The following PGLYRP2 variants were observed in gnomAD, a reference collection of about 807,000 sequenced individuals.
PGLYRP2 encodes the protein peptidoglycan recognition protein 2.
In PGLYRP2, 38 loss-of-function variants were observed where a neutral mutation model predicts 46.2. The observed-to-expected ratio is 0.82, with a 90% CI of 0.64 to 1.08. PGLYRP2 has a LOEUF of 1.08. Ranked by LOEUF, PGLYRP2 falls within the 50% of genes least tolerant of loss-of-function variation. PGLYRP2 has a pLI of 0.00. For missense variants in PGLYRP2, 713 were observed against 755.9 expected, an observed-to-expected ratio of 0.94 and a Z score of 0.67; for synonymous variants, 289 against 329.4, an observed-to-expected ratio of 0.88 and a Z score of 1.33.
Position 15,475,610 on chromosome 19 carries a change from G to A in PGLYRP2, c.1060C>T (p.Gln354Ter). The change falls in exon 2 of 5, where the codon CAG (glutamine) becomes TAG (stop). Residue 354 changes from glutamine (Q) to a stop codon, truncating the protein, a stop_gained. Coordinates refer to ENST00000340880, the MANE Select transcript of PGLYRP2 (RefSeq NM_052890.4). LOFTEE classifies it high-confidence loss of function. ...QRLEPVHLQL[Q>*]CMSQEQLAQV... Reference sequence around the variant, plus strand: ...GCCAGCTGTTCTTGGCTCATGCACTGAAGCTGGAGGTGTACTGGCTCCAGC... The same window carrying A: ...GCCAGCTGTTCTTGGCTCATGCACTAAAGCTGGAGGTGTACTGGCTCCAGC... 1 of 1,614,082 alleles carries A rather than the reference G, an allele frequency of 6.2e-7. No individual in the cohort carries two copies. Among genetic ancestry groups the A allele is most frequent in the Non-Finnish European group, 8.5e-7 (1 of 1,179,978 alleles).
intron 1 of PGLYRP2, among the ~76,000 whole-genome samples, chr19:15,477,721 T>TAAAAATAAAATAAAATAAAA (rs56127600): frequency 7.4e-5 from 10 of 135,364 alleles, no homozygotes; most frequent in Admixed American, 2.2e-4. Flanking sequence ...TAAAATAAAA[T>TAAAAATAAAATAAAATAAAA]TAAATTAAAA....
At chr19:15,468,935 AGTATGTAG>A (rs1970717830) in intron 4 of PGLYRP2, 183 bp from the exon 5 acceptor site, 1 of 549,956 alleles carries the variant, frequency 1.8e-6, no homozygotes, top group Admixed American at 3.4e-5. Flanking sequence ...ATGGAGTGGC[AGTATGTAG>A]GTAGCACGAG....
At position 15,469,992 on chromosome 19, in the gene PGLYRP2, T is replaced by C; in HGVS notation, c.1344-63A>G. 7.5e-7 allele frequency: 1 copy of C among 1,327,486 alleles called. No homozygotes were observed. The highest frequency in any genetic ancestry group is 9.6e-7 in the Non-Finnish European group (1 of 1,038,982). 82.2% of individuals were successfully genotyped at this position (1,327,486 alleles called of 1,614,324 possible). A position where few individuals can be genotyped will look rare whatever the true frequency, so the allele number is the denominator to read the frequency against. On this transcript the variant is annotated intron_variant, in intron 3 of 4. Transcript: ENST00000340880. This position sits in a 1 kb window ranked among gnomAD's most constrained non-coding sequence, Gnocchi z 4.9. ...GAGGGGGACCCGGGCCCTTATCCGC[T>C]CCCCTCCCCGATTCTGTTGGTGTGC...
intron 2 of PGLYRP2, among the ~76,000 whole-genome samples, chr19:15,472,590 C>G (rs1300751970): frequency 6.7e-6 from 1 of 148,336 alleles, no homozygotes; most frequent in Non-Finnish European, 1.5e-5. Flanking sequence ...AAGACTCTGT[C>G]CCCCCCAAAA....
intron 1 of PGLYRP2, among the ~76,000 whole-genome samples, chr19:15,476,938 G>A (rs767340989): frequency 3.3e-5 from 5 of 152,186 alleles, no homozygotes; most frequent in Admixed American, 6.6e-5. Flanking sequence ...TAGAAAAGGG[G>A]AGACAGTGTG....
chr19:15,475,953 G>C lies in PGLYRP2; in HGVS notation c.717C>G (p.Ser239Arg). 1 of 1,614,176 alleles carries C rather than the reference G, an allele frequency of 6.2e-7. No homozygotes were observed. The highest frequency in any genetic ancestry group is 8.5e-7 in the Non-Finnish European group (1 of 1,180,032). Reference protein sequence around the residue: ...LTFLRGSQTQSHPDLGTEGCW... With the variant: ...LTFLRGSQTQRHPDLGTEGCW... ...AGCCCTCAGTTCCCAGGTCTGGATG[G>C]CTCTGGGTCTGGGAACCTCGGAGGA... The change falls in exon 2 of 5, where the codon AGC (serine) becomes AGG (arginine). Residue 239 changes from serine (S) to arginine (R), a missense_variant. Ser to Arg is a moderately radical substitution (Grantham distance 110). Coordinates refer to ENST00000340880, the MANE Select transcript of PGLYRP2 (RefSeq NM_052890.4).
At position 15,475,746 on chromosome 19, in the gene PGLYRP2, C is replaced by T. The variant is rs762442556; in HGVS notation, c.924G>A (p.Val308=). Residue 308 remains valine, a synonymous_variant, in exon 2 of 5, where the codon GTG becomes GTA. Coordinates refer to ENST00000340880, the MANE Select transcript of PGLYRP2 (RefSeq NM_052890.4). ...HLLSQYYGAG[V]ARDPGFRSNF... ...TGCTGCGGAACCCTGGGTCTCTGGC[C>T]ACCCCAGCCCCATAGTACTGGCTCA... The T allele has an allele frequency of 1.2e-6, 2 of 1,613,904 alleles. No homozygotes were observed. Among genetic ancestry groups the T allele is most frequent in the East Asian group, 4.5e-5 (2 of 44,888 alleles).
At chr19:15,479,249 A>T (rs2060042752) in intron 1 of PGLYRP2, 62 bp downstream of exon 1, 7 of 1,553,242 alleles carry the variant, frequency 4.5e-6, no homozygotes, top group Non-Finnish European at 5.3e-6. Context: ...CATAGATGGG[A>T]CAGCAGTACG....
chr19:15,472,574 C>T (rs766018393), intron 2 of PGLYRP2, among the ~76,000 whole-genome samples: 8 of 151,316 alleles, frequency 5.3e-5, no homozygotes, highest in Non-Finnish European at 1.0e-4. Flanking sequence ...GCCTGGGTGA[C>T]AGAGCAAGAC....
At chr19:15,472,372 T>C (rs188492846) in intron 2 of PGLYRP2, among the ~76,000 whole-genome samples, 2 of 152,204 alleles carry the variant, frequency 1.3e-5, no homozygotes, top group Admixed American at 6.5e-5. Flanking sequence ...GGTGGATCAC[T>C]TGAGGTCAGG....
Position 15,476,477 on chromosome 19 carries a change from G to A in PGLYRP2, c.193C>T (p.Arg65Cys), listed in dbSNP as rs150481423. Residue 65 changes from arginine to cysteine, a missense_variant, in exon 2 of 5, where the codon CGC becomes TGC. Coordinates refer to ENST00000340880, the MANE Select transcript of PGLYRP2 (RefSeq NM_052890.4). The part of the protein sequence containing the change: ...MSAPNSGPHN[R>C]LYHFLLGAWS... ...GCCCCCAGCAGGAAGTGGTAGAGGC[G>A]ATTGTGGGGGCCAGAGTTTGGAGCT... The A allele has an allele frequency of 7.4e-6, 12 of 1,614,060 alleles. No individual in the cohort carries two copies. The highest frequency in any genetic ancestry group is 4.0e-5 in the African/African-American group (3 of 74,920).
chr19:15,474,859 T>C (rs1390692130), intron 2 of PGLYRP2, among the ~76,000 whole-genome samples: 1 of 151,892 alleles, frequency 6.6e-6, no homozygotes, highest in African/African-American at 2.4e-5. Flanking sequence ...TGGTGGCACA[T>C]GCCTGTAGTC....
chr19:15,469,676 C>A lies in PGLYRP2; in HGVS notation c.1597G>T (p.Asp533Tyr). Residue 533 changes from aspartate to tyrosine, a missense_variant, in exon 4 of 5, where the codon GAC (aspartate) becomes TAC (tyrosine). Transcript: ENST00000340880. This position sits in a 1 kb window ranked among gnomAD's most constrained non-coding sequence, Gnocchi z 4.9. ...RQLVRTDCPG[D>Y]ALFDLLRTWP... ...GTGCGCAGCAGGTCGAAGAGCGCGT[C>A]GCCGGGGCAGTCGGTGCGCACCAGC... 5.8e-6 allele frequency: 9 copies of A among 1,542,258 alleles called. No individual in the cohort carries two copies. Among genetic ancestry groups the A allele is most frequent in the Non-Finnish European group, 7.8e-6 (9 of 1,148,924 alleles).
chr19:15,479,415 C>A lies in PGLYRP2; in HGVS notation c.-44G>T. On this transcript the variant is annotated 5_prime_UTR_variant, in exon 1 of 5. Transcript: ENST00000340880. ...TCCAAGGGGTATTTCTGGTTGGCCTCGGCAGAGAACCTCGGCAGTGCTGGA... is the reference window on the plus strand; with the variant it reads ...TCCAAGGGGTATTTCTGGTTGGCCTAGGCAGAGAACCTCGGCAGTGCTGGA... 6.3e-7 allele frequency: 1 copy of A among 1,594,348 alleles called. No homozygotes were observed. The highest frequency in any genetic ancestry group is 2.3e-5 in the East Asian group (1 of 44,344).
In PGLYRP2 at chr19:15,468,698, G is replaced by A. The variant is rs1970716048; in HGVS notation, c.1696C>T (p.Pro566Ser). 2.5e-6 allele frequency: 4 copies of A among 1,613,328 alleles called. No individual in the cohort carries two copies. The highest frequency in any genetic ancestry group is 1.1e-5 in the South Asian group (1 of 90,998). Residue 566 changes from proline to serine, a missense_variant, in exon 5 of 5, where the codon CCC (proline) becomes TCC (serine). By Grantham distance (74) the Pro-to-Ser change is moderately conservative. Transcript: ENST00000340880. ...SVSKRSRREPPPRTLPATDLQ is the reference protein window; with the variant it reads ...SVSKRSRREPSPRTLPATDLQ ...TCTGTGGCTGGCAGGGTCCTTGGGGGTGGCTCCCTCCTGGATCTCTTAGAG... is the reference window on the plus strand; with the variant it reads ...TCTGTGGCTGGCAGGGTCCTTGGGGATGGCTCCCTCCTGGATCTCTTAGAG...
chr19:15,470,315 TGATG>T (rs1970736286), intron 3 of PGLYRP2, among the ~76,000 whole-genome samples: 2 of 150,348 alleles, frequency 1.3e-5, no homozygotes, highest in African/African-American at 4.9e-5. Flanking sequence ...TTTCTTTTTT[TGATG>T]GAGTTTCACT....
At position 15,469,205 on chromosome 19, in the gene PGLYRP2, G is replaced by C; in HGVS notation, c.1641+427C>G. 1 of 590,096 alleles carries C rather than the reference G, an allele frequency of 1.7e-6. No homozygotes were observed. The highest frequency in any genetic ancestry group is 3.0e-6 in the Non-Finnish European group (1 of 330,760). 36.6% of individuals were successfully genotyped at this position (590,096 alleles called of 1,614,324 possible). On this transcript the variant is annotated intron_variant, in intron 4 of 4. Transcript: ENST00000340880. The surrounding 1 kb of genome is among the most constrained non-coding windows in gnomAD (Gnocchi z 4.9). ...TGTGTGGACAGAGGGCCTTCGGGTAGGGGCAGGGGTGAGGTCAAGGTTCGG... is the reference window on the plus strand; with the variant it reads ...TGTGTGGACAGAGGGCCTTCGGGTACGGGCAGGGGTGAGGTCAAGGTTCGG...
Position 15,479,297 on chromosome 19 carries a change from G to C in PGLYRP2, c.61+14C>G. On this transcript the variant is annotated intron_variant, in intron 1 of 4. Transcript: ENST00000340880. Reference sequence around the variant, plus strand: ...CCAAGAGGTTTGGTCCCAGGACTCTGCCCCCTGACTCACCTGTCCCTGGGT... The same window carrying C: ...CCAAGAGGTTTGGTCCCAGGACTCTCCCCCCTGACTCACCTGTCCCTGGGT... 7 of 1,613,940 alleles carry C rather than the reference G, an allele frequency of 4.3e-6. No individual in the cohort carries two copies. The highest frequency in any genetic ancestry group is 5.9e-6 in the Non-Finnish European group (7 of 1,179,900).
chr19:15,470,911 T>C (rs1353633866), intron 3 of PGLYRP2, among the ~76,000 whole-genome samples: 1 of 152,148 alleles, frequency 6.6e-6, no homozygotes, highest in African/African-American at 2.4e-5. Context: ...CCCAAAGTGC[T>C]GGGATTACAG....
Sources: allele counts gnomAD v4.1 joint callset (sites outside exome capture counted in the v4.1 genomes callset), GRCh38; gene constraint gnomAD v4.1.1; non-coding constraint Gnocchi (gnomAD v3.1); transcripts MANE v1.5; gene names NCBI Gene and HGNC (gene_info 2026-07-23, HGNC 2026-07-21).